CECR2: variants seen among roughly 807,000 people sequenced by gnomAD.
CECR2 encodes the protein CECR2 histone acetyl-lysine reader.
Under a neutral mutation model 154.5 loss-of-function variants are expected in CECR2, and 30 were observed. The observed-to-expected ratio is 0.19, with a 90% CI of 0.15 to 0.26. The LOEUF (loss-of-function observed/expected upper bound fraction) is 0.26, where lower values mean the gene tolerates loss of function less well. CECR2 is among the 10% of genes least tolerant of loss of function. CECR2 has a pLI of 1.00. For synonymous variants in CECR2, 725 were observed against 683.7 expected, an observed-to-expected ratio of 1.06 and a Z score of -0.94; for missense variants, 1,743 against 1,829.3, an observed-to-expected ratio of 0.95 and a Z score of 0.86.
intron 1 of CECR2, among the ~76,000 whole-genome samples, chr22:17,389,871 G>C (rs968283642): frequency 6.6e-6 from 1 of 151,916 alleles, no homozygotes; most frequent in South Asian, 2.1e-4. Context: ...CAGATGATCC[G>C]CCCACCTCGG....
intron 1 of CECR2, among the ~76,000 whole-genome samples, chr22:17,430,387 T>C (rs578007600): frequency 1.3e-5 from 2 of 152,156 alleles, no homozygotes; most frequent in Non-Finnish European, 2.9e-5. Flanking sequence ...TTGGCCATCC[T>C]TCCATCTGGC....
intron 1 of CECR2, among the ~76,000 whole-genome samples, chr22:17,421,871 C>CT (rs759630387): frequency 0.21 from 30,130 of 140,646 alleles, 4,342 homozygotes; most frequent in African/African-American, 0.42. Flanking sequence ...ACAAAAAAAA[C>CT]TTTTTTTTTT....
rs556528619 is a variant in CECR2, at chr22:17,548,849, C to T, written c.3562C>T (p.Pro1188Ser). 4.3e-6 allele frequency: 7 copies of T among 1,613,490 alleles called. No homozygotes were observed. The African/African-American group carries it at 6.7e-5, about 15-fold the overall frequency. The change falls in exon 17 of 19, where the codon CCA becomes TCA. Residue 1188 changes from proline (P) to serine (S), a missense_variant. Transcript: ENST00000262608. The part of the protein sequence containing the change: ...PPQGMRYSYH[P>S]PPQPSYHHYQ... ...ACAAGGAATGAGGTATTCCTACCAC[C>T]CACCGCCACAGCCTTCCTACCACCA...
Position 17,542,947 on chromosome 22 carries a change from G to A in CECR2, c.2804G>A (p.Gly935Asp). The change falls in exon 16 of 19, where the codon GGC (glycine) becomes GAC (aspartate). Residue 935 changes from glycine to aspartate, a missense_variant. By Grantham distance (94) the Gly-to-Asp change is moderately conservative (BLOSUM62 -1). Transcript: ENST00000262608. ...VTVSAPKPAL[G>D]NPGRAPENSE... ...GTGTCAGCCCCCAAGCCTGCCCTGG[G>A]CAACCCTGGGAGGGCACCGGAGAAC... The A allele has an allele frequency of 6.2e-7, 1 of 1,613,734 alleles. No individual in the cohort carries two copies. Among genetic ancestry groups the A allele is most frequent in the Non-Finnish European group, 8.5e-7 (1 of 1,179,726 alleles).
intron 7 of CECR2, among the ~76,000 whole-genome samples, chr22:17,508,064 A>T (rs2055878516): frequency 1.3e-5 from 2 of 152,016 alleles, no homozygotes. Flanking sequence ...AATTAAACAT[A>T]CTCTCCTCAT....
chr22:17,475,748 C>A (rs2055198189), intron 1 of CECR2, among the ~76,000 whole-genome samples: 1 of 152,122 alleles, frequency 6.6e-6, no homozygotes, highest in Non-Finnish European at 1.5e-5. Context: ...GAGGCTTGCC[C>A]AGTGCCCAGC....
At chr22:17,545,545 TTAAGA>T (rs1448170041) in intron 16 of CECR2, among the ~76,000 whole-genome samples, 4 of 152,118 alleles carry the variant, frequency 2.6e-5, no homozygotes, top group Non-Finnish European at 5.9e-5. Flanking sequence ...ACACTTGGAC[TTAAGA>T]TAATAGATTC....
intron 1 of CECR2, among the ~76,000 whole-genome samples, chr22:17,426,450 A>G (rs2054332306): frequency 6.6e-6 from 1 of 151,908 alleles, no homozygotes; most frequent in Admixed American, 6.5e-5. Context: ...TCCGCCTCCC[A>G]AGTTCAAGGG....
At chr22:17,430,941 A>G (rs542781402) in intron 1 of CECR2, among the ~76,000 whole-genome samples, 1 of 152,164 alleles carries the variant, frequency 6.6e-6, no homozygotes, top group Non-Finnish European at 1.5e-5. Context: ...TGTTAGTTTT[A>G]TTTGATCACA....
intron 1 of CECR2, among the ~76,000 whole-genome samples, chr22:17,370,406 G>A (rs2063043946): frequency 6.6e-6 from 1 of 151,404 alleles, no homozygotes; most frequent in Admixed American, 6.6e-5. Context: ...TCTGGCGGGC[G>A]GGCGCGTGGC....
chr22:17,429,515 A>G (rs929038891), intron 1 of CECR2, among the ~76,000 whole-genome samples: 3 of 147,084 alleles, frequency 2.0e-5, no homozygotes, highest in Non-Finnish European at 4.5e-5. Context: ...CAGCCTGGCC[A>G]GTAGGGCACA....
At chr22:17,518,765 C>G in intron 8 of CECR2, 2 of 365,756 alleles carry the variant, frequency 5.5e-6, no homozygotes, top group South Asian at 5.0e-5. Flanking sequence ...TCACATTTGT[C>G]ACAAATCATA....
chr22:17,366,471 C>T (rs922451339), upstream of CECR2, among the ~76,000 whole-genome samples: 1 of 152,034 alleles, frequency 6.6e-6, no homozygotes, highest in African/African-American at 2.4e-5. Flanking sequence ...ACAGGCGTCA[C>T]CTACCGCCCC....
chr22:17,380,019 A>G (rs16982338), intron 1 of CECR2, among the ~76,000 whole-genome samples: 5,101 of 151,266 alleles, frequency 0.034, 300 homozygotes, highest in African/African-American at 0.12. Flanking sequence ...CTTGTTTTTT[A>G]TTCTTTATCT....
At chr22:17,453,702 T>C (rs2146707971) in intron 1 of CECR2, among the ~76,000 whole-genome samples, 1 of 152,336 alleles carries the variant, frequency 6.6e-6, no homozygotes, top group African/African-American at 2.4e-5. Context: ...TTTTAGAAAC[T>C]TTTCCTTGAT....
At position 17,463,349 on chromosome 22, in the gene CECR2, ACTCACGTTTCGAAGG is replaced by A. The variant is rs371436967; in HGVS notation, c.127-14233_127-14219del. On this transcript the variant is annotated intron_variant, in intron 1 of 18. Transcript: ENST00000262608. ...TGGTACAAAGGGGTGGAATGCTCTG[ACTCACGTTTCGAAGG>A]CTCACTAGCTGTTGATATGAGGAGC... Among the ~76,000 whole-genome samples, 1,174 of 152,224 alleles carry A rather than the reference ACTCACGTTTCGAAGG, an allele frequency of 7.7e-3. 14 individuals are homozygous for A. Among genetic ancestry groups the A allele is most frequent in the African/African-American group, 0.027 (1,123 of 41,532 alleles).
At position 17,496,769 on chromosome 22, in the gene CECR2, C is replaced by T. The variant is rs887316142; in HGVS notation, c.222-634C>T. On this transcript the variant is annotated intron_variant, in intron 2 of 18. Transcript: ENST00000262608. ...ACCGCAGGGTGTCTTCAGTTGTACG[C>T]GTAGCGGGTGAGACTTTTGCCTCAG... Among the ~76,000 whole-genome samples the T allele has an allele frequency of 5.3e-5, 8 of 152,150 alleles. No individual in the cohort carries two copies. The East Asian group carries it at 7.7e-4, about 15-fold the overall frequency.
chr22:17,546,989 A>G (rs1003909732), intron 16 of CECR2, among the ~76,000 whole-genome samples: 4 of 147,772 alleles, frequency 2.7e-5, no homozygotes, highest in East Asian at 2.0e-4. Flanking sequence ...CAGTGAGCCA[A>G]GATCACGCCA....
intron 1 of CECR2, among the ~76,000 whole-genome samples, chr22:17,382,104 A>G (rs1009157570): frequency 2.2e-4 from 33 of 150,218 alleles, no homozygotes; most frequent in Non-Finnish European, 4.6e-4. Flanking sequence ...GTTAGCCAGG[A>G]TGGTCTTGAT....
Sources: allele counts gnomAD v4.1 joint callset (sites outside exome capture counted in the v4.1 genomes callset), GRCh38; gene constraint gnomAD v4.1.1; transcripts MANE v1.5; gene names NCBI Gene and HGNC (gene_info 2026-07-23, HGNC 2026-07-21).